Variants in GRM8 observed in about 807,000 individuals in gnomAD.
The protein encoded by GRM8 is metabotropic glutamate receptor 8.
Under a neutral mutation model 87.2 loss-of-function variants are expected in GRM8, and 47 were observed. The ratio of observed to expected loss-of-function variants is 0.54; its 90% CI spans 0.43 to 0.69. The LOEUF (loss-of-function observed/expected upper bound fraction) is 0.69, where lower values mean the gene tolerates loss of function less well. GRM8 is among the 30% of genes least tolerant of loss of function. The pLI is 0.00. For missense variants in GRM8, 1,019 were observed against 1,139.2 expected (o/e 0.89, Z 1.52); for synonymous variants, 396 against 404.5 (o/e 0.98, Z 0.25).
intron 2 of GRM8, among the ~76,000 whole-genome samples, chr7:127,186,047 A>G (rs1253331706): frequency 6.6e-6 from 1 of 152,204 alleles, no homozygotes; most frequent in East Asian, 1.9e-4. Flanking sequence ...TAAATATGCA[A>G]TAACAGTATA....
intron 3 of GRM8, among the ~76,000 whole-genome samples, chr7:126,928,490 G>C (rs545369551): frequency 4.2e-4 from 64 of 152,140 alleles, no homozygotes; most frequent in African/African-American, 1.5e-3. Context: ...TGGGCAACGT[G>C]ATGAAACCCC....
chr7:126,920,377 A>T (rs1046333382), intron 3 of GRM8, among the ~76,000 whole-genome samples: 12 of 148,696 alleles, frequency 8.1e-5, no homozygotes, highest in Non-Finnish European at 1.5e-4. Flanking sequence ...TGTCTACTAT[A>T]AAAAAAAAGA....
intron 7 of GRM8, among the ~76,000 whole-genome samples, chr7:126,745,810 T>G (rs562703100): frequency 6.6e-6 from 1 of 151,798 alleles, no homozygotes; most frequent in Non-Finnish European, 1.5e-5. Flanking sequence ...ACCTTGTGTT[T>G]CTCTCCTTCC....
intron 2 of GRM8, among the ~76,000 whole-genome samples, chr7:127,208,773 A>G (rs2116615126): frequency 6.6e-6 from 1 of 152,160 alleles, no homozygotes; most frequent in African/African-American, 2.4e-5. Flanking sequence ...GTGATCTAGC[A>G]TTACCAGTCT....
chr7:127,113,897 T>C (rs1826539875), intron 2 of GRM8, among the ~76,000 whole-genome samples: 2 of 152,020 alleles, frequency 1.3e-5, no homozygotes, highest in South Asian at 4.1e-4. Flanking sequence ...AAATGAGGAG[T>C]TAGGGCTAGA....
intron 9 of GRM8, among the ~76,000 whole-genome samples, chr7:126,514,348 G>A (rs1001466142): frequency 2.0e-5 from 3 of 152,150 alleles, no homozygotes; most frequent in Admixed American, 2.0e-4. Flanking sequence ...AAATGAAGCA[G>A]TGGGTATGGC....
intron 3 of GRM8, among the ~76,000 whole-genome samples, chr7:127,016,942 T>A (rs1815737381): frequency 6.6e-6 from 1 of 152,096 alleles, no homozygotes; most frequent in Non-Finnish European, 1.5e-5. Flanking sequence ...TTCAATATAT[T>A]CAGATAATTC....
chr7:126,979,188 A>G (rs1811291037), intron 3 of GRM8, among the ~76,000 whole-genome samples: 1 of 152,164 alleles, frequency 6.6e-6, no homozygotes, highest in Admixed American at 6.5e-5. Context: ...TGAATTCTAA[A>G]TACAAAGCCA....
In GRM8 at chr7:126,556,337, T is replaced by TAAAA. The variant is rs3038820; in HGVS notation, c.1495-22454_1495-22451dup. ...ACAATGGAGAAGCAGTTCTCCTCTT[T>TAAAA]AAAAAAAAAAAAAAAAAAAAAAAAG... On this transcript the variant is annotated intron_variant, in intron 8 of 10. Coordinates refer to ENST00000339582, the MANE Select transcript of GRM8 (RefSeq NM_000845.3). Among the ~76,000 whole-genome samples the TAAAA allele has an allele frequency of 1.3e-3, 140 of 111,326 alleles. 1 individual carries two copies. Among genetic ancestry groups the TAAAA allele is most frequent in the Middle Eastern group, 5.5e-3 (1 of 182 alleles). The allele number at this position is 111,326 out of a possible 152,430, so 73.0% of individuals were successfully genotyped here. A position where few individuals can be genotyped will look rare whatever the true frequency, so the allele number is the denominator to read the frequency against.
At chr7:126,992,546 A>T (rs1812761109) in intron 3 of GRM8, among the ~76,000 whole-genome samples, 1 of 152,224 alleles carries the variant, frequency 6.6e-6, no homozygotes. Flanking sequence ...ATCTAACAAC[A>T]GGTGGGCACA....
chr7:126,976,955 C>T (rs1254501098), intron 3 of GRM8, among the ~76,000 whole-genome samples: 3 of 151,480 alleles, frequency 2.0e-5, no homozygotes, highest in East Asian at 1.9e-4. Context: ...GAATGCAACA[C>T]CTATTTTCCA....
chr7:126,507,568 G>T (rs1810670470), intron 9 of GRM8, among the ~76,000 whole-genome samples: 1 of 151,868 alleles, frequency 6.6e-6, no homozygotes, highest in Non-Finnish European at 1.5e-5. Flanking sequence ...TTGCCAAATT[G>T]CAAAAAGTAG....
chr7:127,109,435 C>T (rs1199698322), intron 2 of GRM8, among the ~76,000 whole-genome samples: 1 of 152,162 alleles, frequency 6.6e-6, no homozygotes, highest in Non-Finnish European at 1.5e-5. Context: ...GATTCTGTCT[C>T]ATCTTCCTCC....
chr7:126,812,444 A>G (rs1793388820), intron 6 of GRM8, among the ~76,000 whole-genome samples: 1 of 152,054 alleles, frequency 6.6e-6, no homozygotes, highest in African/African-American at 2.4e-5. Context: ...AGTATAAGTA[A>G]TTGTAACACA....
chr7:126,604,295 C>A (rs1190442089), intron 8 of GRM8, among the ~76,000 whole-genome samples: 1 of 151,964 alleles, frequency 6.6e-6, no homozygotes, highest in Non-Finnish European at 1.5e-5. Context: ...TTTTAAATAT[C>A]AAAACAAATA....
At chr7:126,977,082 C>T (rs1021115101) in intron 3 of GRM8, among the ~76,000 whole-genome samples, 9 of 152,070 alleles carry the variant, frequency 5.9e-5, no homozygotes, top group African/African-American at 2.2e-4. Flanking sequence ...AGGGATTCTT[C>T]GTGTGCCTCC....
chr7:127,189,331 T>G (rs1180404415), intron 2 of GRM8, among the ~76,000 whole-genome samples: 1 of 152,166 alleles, frequency 6.6e-6, no homozygotes, highest in African/African-American at 2.4e-5. Flanking sequence ...GAGAAGTGGC[T>G]TTATTTAGGA....
At chr7:126,601,102 C>A (rs1426250945) in intron 8 of GRM8, among the ~76,000 whole-genome samples, 1 of 141,414 alleles carries the variant, frequency 7.1e-6, no homozygotes, top group Non-Finnish European at 1.5e-5. Context: ...CCACCACAGT[C>A]CCCAGAGTGT....
intron 2 of GRM8, chr7:127,228,838 C>A (rs1176120033): frequency 6.6e-6 from 1 of 152,094 alleles, no homozygotes; most frequent in Non-Finnish European, 1.5e-5. Flanking sequence ...TCATAAGAAC[C>A]ATTTTCTAGA....
Sources: gnomAD v4.1 joint callset for allele counts (sites outside exome capture counted in the v4.1 genomes callset) on GRCh38, gnomAD v4.1.1 for gene constraint, MANE v1.5 for transcripts, NCBI Gene and HGNC (gene_info 2026-07-23, HGNC 2026-07-21) for gene names.